The following CAGE1 variants were observed in gnomAD, a reference collection of about 807,000 sequenced individuals.
The protein encoded by CAGE1 is cancer antigen 1.
In CAGE1, 66 loss-of-function variants were observed where a neutral mutation model predicts 94.9. That is an observed-to-expected ratio of 0.70 (90% CI 0.57 to 0.85). The LOEUF is 0.85. Among genes scored for constraint, CAGE1 ranks in the 40% least tolerant of loss-of-function variants. The pLI, the probability that CAGE1 is intolerant of heterozygous loss-of-function variation, is 0.00. For missense variants in CAGE1, 865 were observed against 950.4 expected, an observed-to-expected ratio of 0.91 and a Z score of 1.18; for synonymous variants, 319 against 321.0, an observed-to-expected ratio of 0.99 and a Z score of 0.07.
At chr6:7,333,935 T>G (rs564051445) in intron 12 of CAGE1, 87 bp downstream of exon 12, 2 of 823,948 alleles carry the variant, frequency 2.4e-6, no homozygotes, top group African/African-American at 3.5e-5. Flanking sequence ...CCCAAAGTGC[T>G]GGGATTACAG....
At chr6:7,349,332 A>G (rs993786275) in intron 11 of CAGE1, among the ~76,000 whole-genome samples, 2 of 152,190 alleles carry the variant, frequency 1.3e-5, no homozygotes, top group African/African-American at 2.4e-5. Flanking sequence ...TGAAGGAAAG[A>G]TACAGTCTGT....
intron 11 of CAGE1, chr6:7,341,192 GC>G: frequency 1.1e-5 from 7 of 634,940 alleles, no homozygotes; most frequent in South Asian, 1.0e-4. Context: ...GTGTTCTGGA[GC>G]AGTTGACACA....
intron 11 of CAGE1, among the ~76,000 whole-genome samples, chr6:7,344,086 C>G (rs1759305864): frequency 6.6e-6 from 1 of 152,250 alleles, no homozygotes; most frequent in African/African-American, 2.4e-5. Context: ...TCGCTCTCGG[C>G]ACCTCCTCTG....
chr6:7,334,061 T>C lies in CAGE1; in HGVS notation c.2399A>G (p.Asp800Gly). Residue 800 changes from aspartate (D) to glycine (G), a missense_variant, in exon 12 of 14, where the codon GAT becomes GGT. Transcript: ENST00000502583. ...HLEERNKHLEDLIRKPREKAR... is the reference protein window; with the variant it reads ...HLEERNKHLEGLIRKPREKAR... ...TTTTTCTCTGGGCTTTCTAATTAAA[T>C]CCTCTAAATGTTTATTTCTCTCTTC... 3 of 1,538,898 alleles carry C rather than the reference T, an allele frequency of 1.9e-6. No homozygotes were observed. The highest frequency in any genetic ancestry group is 2.6e-6 in the Non-Finnish European group (3 of 1,136,748).
rs908753345 is a variant in CAGE1 at position 7,367,641 on chromosome 6, C to T, written c.2004+1047G>A. ...TGAAAGCTGTTTAGAGGAGTAGAGG[C>T]CAGCCGTTTCTCTGCATGACTGTGC... On this transcript the variant is annotated intron_variant, in intron 7 of 13. Transcript: ENST00000502583. 2.0e-5 allele frequency among the ~76,000 whole-genome samples: 3 copies of T among 152,236 alleles called. No homozygotes were observed. The East Asian group carries it at 5.8e-4, about 29-fold the overall frequency.
In CAGE1 at chr6:7,387,013, A is replaced by T. The variant is rs1761144350; in HGVS notation, c.161T>A (p.Met54Lys). Residue 54 changes from methionine (M) to lysine (K), a missense_variant, in exon 2 of 14, where the codon ATG (methionine) becomes AAG (lysine). By Grantham distance (95) the Met-to-Lys change is moderately conservative (BLOSUM62 -1). Coordinates refer to ENST00000502583, the MANE Select transcript of CAGE1 (RefSeq NM_001170692.2). ...GVMLSHSPIC[M>K]ETTGTTCDLP... The stretch of plus-strand genomic sequence containing the variant: ...GTCACAAGTGGTGCCGGTGGTTTCC[A>T]TACAGATTGGAGAATGTGAAAGCAT... 6.4e-7 allele frequency: 1 copy of T among 1,551,946 alleles called. No homozygotes were observed. Among genetic ancestry groups the T allele is most frequent in the African/African-American group, 1.4e-5 (1 of 73,040 alleles).
intron 11 of CAGE1, among the ~76,000 whole-genome samples, chr6:7,335,002 C>T (rs1758900548): frequency 6.6e-6 from 1 of 152,178 alleles, no homozygotes; most frequent in Non-Finnish European, 1.5e-5. Context: ...GATGTCCACC[C>T]TCTAGAAGCT....
rs9766750 is a variant in CAGE1 at position 7,345,340 on chromosome 6, G to A, written c.2369+9701C>T. ...CCAGCGAGACCACTAAACCCAGCAG[G>A]ATGAAAGAAACTCTGAACACATCAG... is the stretch of plus-strand genomic sequence containing the variant. On this transcript the variant is annotated intron_variant, in intron 11 of 13. Coordinates refer to ENST00000502583, the MANE Select transcript of CAGE1 (RefSeq NM_001170692.2). 1.7e-3 allele frequency among the ~76,000 whole-genome samples: 251 copies of A among 148,626 alleles called. 6 individuals carry two copies. The East Asian group carries it at 0.042, about 25-fold the overall frequency.
rs1760027580 is a variant in CAGE1, at chr6:7,358,031, T to TATATATATATAG, written c.2194-1903_2194-1902insCTATATATATAT. On this transcript the variant is annotated intron_variant, in intron 9 of 13. Transcript: ENST00000502583. ...CTGCGGTTAGGTAAGTTTTGAGATA[T>TATATATATATAG]ATATATATATATATATATATATATA... is the stretch of plus-strand genomic sequence containing the variant. 1.5e-4 allele frequency among the ~76,000 whole-genome samples: 3 copies of TATATATATATAG among 19,580 alleles called. 1 individual carries two copies. The highest frequency in any genetic ancestry group is 3.0e-4 in the Non-Finnish European group (3 of 10,024). 12.8% of individuals were successfully genotyped at this position (19,580 alleles called of 152,430 possible). A position where few individuals can be genotyped will look rare whatever the true frequency, so the allele number is the denominator to read the frequency against.
At chr6:7,333,642 C>CTATATATATATATATA (rs773887819) in intron 12 of CAGE1, among the ~76,000 whole-genome samples, 1 of 121,518 alleles carries the variant, frequency 8.2e-6, no homozygotes. Context: ...ATCTAACTAT[C>CTATATATATATATATA]TATATATATA....
In CAGE1 at chr6:7,373,070, T is replaced by C. The variant is rs373810893; in HGVS notation, c.1746+3A>G. 49 of 1,586,150 alleles carry C rather than the reference T, an allele frequency of 3.1e-5. No homozygotes were observed. Among genetic ancestry groups the C allele is most frequent in the Admixed American group, 7.2e-5 (4 of 55,664 alleles). On this transcript the variant is annotated splice_donor_region_variant and intron_variant, in intron 5 of 13. Coordinates refer to ENST00000502583, the MANE Select transcript of CAGE1 (RefSeq NM_001170692.2). ...ATTAGAGATTTAGAATGTGTATCAA[T>C]ACCTTGGTAATATCTGACTTCAAGA... is the stretch of plus-strand genomic sequence containing the variant.
intron 13 of CAGE1, 136 bp downstream of exon 13, chr6:7,329,713 C>T: frequency 3.6e-6 from 2 of 552,140 alleles, no homozygotes; most frequent in East Asian, 3.0e-5. Flanking sequence ...CGGAAGAGCC[C>T]TCATCTGAAG....
intron 7 of CAGE1, among the ~76,000 whole-genome samples, chr6:7,366,857 C>G (rs543124118): frequency 9.9e-5 from 15 of 152,158 alleles, no homozygotes; most frequent in Non-Finnish European, 1.3e-4. Flanking sequence ...GTTATCCTAA[C>G]ATAACGATTG....
At position 7,355,115 on chromosome 6, in the gene CAGE1, G is replaced by T. The variant is rs748400833; in HGVS notation, c.2299-4C>A. 4.4e-6 allele frequency: 7 copies of T among 1,584,448 alleles called. No individual in the cohort carries two copies. Among genetic ancestry groups the T allele is most frequent in the South Asian group, 1.2e-5 (1 of 85,408 alleles). ...TGATTTCTTCATATGATGTAACCTT[G>T]AAAAAAATAAGCTAAACCAATTATT... On this transcript the variant is annotated splice_region_variant and splice_polypyrimidine_tract_variant and intron_variant, in intron 10 of 13. Transcript: ENST00000502583.
intron 11 of CAGE1, among the ~76,000 whole-genome samples, chr6:7,335,488 T>C (rs1581656863): frequency 6.6e-6 from 1 of 152,390 alleles, no homozygotes; most frequent in African/African-American, 2.4e-5. Context: ...TCCTAGGCCC[T>C]GCCTAAAAGA....
intron 5 of CAGE1, among the ~76,000 whole-genome samples, chr6:7,371,690 G>A (rs901854963): frequency 6.6e-6 from 1 of 152,134 alleles, no homozygotes; most frequent in Admixed American, 6.6e-5. Flanking sequence ...GGGAGGCTGA[G>A]GCAGGAGAAT....
chr6:7,345,406 G>A (rs1401358435), intron 11 of CAGE1, among the ~76,000 whole-genome samples: 1 of 152,152 alleles, frequency 6.6e-6, no homozygotes, highest in African/African-American at 2.4e-5. Flanking sequence ...CATCTTAAGA[G>A]CTGTAACCCT....
intron 11 of CAGE1, among the ~76,000 whole-genome samples, chr6:7,352,363 A>G (rs1398876124): frequency 6.6e-6 from 1 of 151,842 alleles, no homozygotes; most frequent in African/African-American, 2.4e-5. Flanking sequence ...CTACAGGGAA[A>G]ACTACAAAAC....
At chr6:7,343,198 A>AAAAGAAAAG (rs1554136907) in intron 11 of CAGE1, among the ~76,000 whole-genome samples, 100 of 137,358 alleles carry the variant, frequency 7.3e-4, no homozygotes, top group African/African-American at 2.6e-3. Flanking sequence ...CACAAAAAAA[A>AAAAGAAAAG]AAAAGAAAAG....
Sources: gnomAD v4.1 joint callset for allele counts (sites outside exome capture counted in the v4.1 genomes callset) on GRCh38, gnomAD v4.1.1 for gene constraint, MANE v1.5 for transcripts, NCBI Gene and HGNC (gene_info 2026-07-23, HGNC 2026-07-21) for gene names.